C13orf46: variants seen among roughly 807,000 people sequenced by gnomAD.
The protein encoded by C13orf46 is uncharacterized protein C13orf46.
At chr13:113,945,606 A>AG in the C13orf46 span, among the ~76,000 whole-genome samples, 72 of 33,570 alleles carry the variant, frequency 2.1e-3, 1 homozygote, top group Admixed American at 5.1e-3. Context: ...AGAAAGAAAG[A>AG]AGAAAGAAAG....
the C13orf46 span, among the ~76,000 whole-genome samples, chr13:113,948,567 C>T: frequency 6.6e-6 from 1 of 152,176 alleles, no homozygotes; most frequent in African/African-American, 2.4e-5. Context: ...TCCTTTTAAC[C>T]AGATGTCTTG....
intron 1 of C13orf46, among the ~76,000 whole-genome samples, chr13:113,970,680 AC>A (rs2138994876): frequency 6.6e-6 from 1 of 151,422 alleles, no homozygotes; most frequent in South Asian, 2.1e-4. Flanking sequence ...GGGACTTGAA[AC>A]CCCACTTGGC....
At chr13:113,964,461 C>G (rs1335684434) in intron 6 of C13orf46, among the ~76,000 whole-genome samples, 3 of 152,116 alleles carry the variant, frequency 2.0e-5, no homozygotes, top group African/African-American at 7.2e-5. Context: ...CCCCAGGGCC[C>G]GAGGCTTGTT....
the C13orf46 span, among the ~76,000 whole-genome samples, chr13:113,931,906 C>G: frequency 2.0e-5 from 3 of 151,920 alleles, no homozygotes; most frequent in Admixed American, 6.6e-5. Context: ...TGACCACAAT[C>G]GAGACCATGG....
At chr13:113,972,478 C>T (rs943619765) in intron 1 of C13orf46, among the ~76,000 whole-genome samples, 3 of 152,122 alleles carry the variant, frequency 2.0e-5, no homozygotes, top group African/African-American at 2.4e-5. Context: ...GAAGGGGAGG[C>T]GGAGCTGCCG....
the C13orf46 span, among the ~76,000 whole-genome samples, chr13:113,933,897 C>T: frequency 2.0e-5 from 3 of 152,126 alleles, no homozygotes; most frequent in African/African-American, 4.8e-5. Flanking sequence ...CACTGGATGA[C>T]GGAGCTCATT....
rs2052503014 is a variant in C13orf46, at chr13:113,954,282, C to T, written c.*2491G>A. 6.6e-6 allele frequency: 1 copy of T among 152,332 alleles called. No homozygotes were observed. The highest frequency in any genetic ancestry group is 2.4e-5 in the African/African-American group (1 of 41,468). The allele number at this position is 152,332 out of a possible 1,614,324, so 9.4% of individuals were successfully genotyped here. A position where few individuals can be genotyped will look rare whatever the true frequency, so the allele number is the denominator to read the frequency against. Reference sequence around the variant, plus strand: ...CCCGGATCAGAGATGCTGCAGGTCACCTGCCCGTGCCCTCCTGTGCACATG... The same window carrying T: ...CCCGGATCAGAGATGCTGCAGGTCATCTGCCCGTGCCCTCCTGTGCACATG... On this transcript the variant is annotated 3_prime_UTR_variant, in exon 7 of 7. Transcript: ENST00000636427.
chr13:113,934,216 C>T, the C13orf46 span, among the ~76,000 whole-genome samples: 8 of 152,228 alleles, frequency 5.3e-5, no homozygotes, highest in Admixed American at 1.3e-4. Context: ...GGAGGCACCA[C>T]GATGCGTCGG....
chr13:113,948,449 C>T, the C13orf46 span, among the ~76,000 whole-genome samples: 13 of 152,234 alleles, frequency 8.5e-5, no homozygotes, highest in Admixed American at 1.3e-4. Context: ...TGGGCTGAGG[C>T]GGCTTCAGTG....
rs1298566232 is a variant in C13orf46 at position 113,955,001 on chromosome 13, G to C, written c.*1772C>G. On this transcript the variant is annotated 3_prime_UTR_variant, in exon 7 of 7. Coordinates refer to ENST00000636427, the MANE Select transcript of C13orf46 (RefSeq NM_001365455.2). The stretch of plus-strand genomic sequence containing the variant: ...GAGACGAGGAGGAGGATCTGGCAGA[G>C]AGGAGGAGTAGGATCTGGCGGAGAG... 1 of 113,962 alleles carries C rather than the reference G, an allele frequency of 8.8e-6. No homozygotes were observed. The highest frequency in any genetic ancestry group is 3.1e-5 in the African/African-American group (1 of 32,398). The allele number at this position is 113,962 out of a possible 1,614,324, so 7.1% of individuals were successfully genotyped here. A position where few individuals can be genotyped will look rare whatever the true frequency, so the allele number is the denominator to read the frequency against.
intron 6 of C13orf46, among the ~76,000 whole-genome samples, chr13:113,959,547 A>G (rs2052571361): frequency 6.6e-6 from 1 of 152,238 alleles, no homozygotes; most frequent in Non-Finnish European, 1.5e-5. Context: ...GGCGTGTGAC[A>G]CATGGAGCCC....
chr13:113,941,871 G>C, the C13orf46 span, among the ~76,000 whole-genome samples: 1 of 152,238 alleles, frequency 6.6e-6, no homozygotes, highest in African/African-American at 2.4e-5. Context: ...TCCTGCCACT[G>C]CTTTACTCTC....
chr13:113,963,910 G>C (rs897147115), intron 6 of C13orf46, among the ~76,000 whole-genome samples: 63 of 152,202 alleles, frequency 4.1e-4, no homozygotes, highest in Non-Finnish European at 8.7e-4. Flanking sequence ...GAGTGCAGTG[G>C]TGCTATCTCG....
In C13orf46 at chr13:113,956,621, G is replaced by A. The variant is rs2052536960; in HGVS notation, c.*152C>T. Reference sequence around the variant, plus strand: ...CCAGGCCTGGCCAGTCCCACAAGAAGAAAACAGAAACCTCAGTGCCTGGCA... The same window carrying A: ...CCAGGCCTGGCCAGTCCCACAAGAAAAAAACAGAAACCTCAGTGCCTGGCA... On this transcript the variant is annotated 3_prime_UTR_variant, in exon 7 of 7. Coordinates refer to ENST00000636427, the MANE Select transcript of C13orf46 (RefSeq NM_001365455.2). 1 of 152,440 alleles carries A rather than the reference G, an allele frequency of 6.6e-6. No individual in the cohort carries two copies. Among genetic ancestry groups the A allele is most frequent in the South Asian group, 2.1e-4 (1 of 4,838 alleles). 9.4% of individuals were successfully genotyped at this position (152,440 alleles called of 1,614,324 possible).
chr13:113,948,223 C>T, the C13orf46 span, among the ~76,000 whole-genome samples: 1 of 152,218 alleles, frequency 6.6e-6, no homozygotes, highest in Non-Finnish European at 1.5e-5. Flanking sequence ...CCCACAGCAC[C>T]GGTTCAAGAC....
chr13:113,946,907 T>C, the C13orf46 span, among the ~76,000 whole-genome samples: 23,935 of 152,210 alleles, frequency 0.16, 2,147 homozygotes, highest in Middle Eastern at 0.19. Flanking sequence ...ACAGCGGCGA[T>C]AGGAGAGGAA....
In C13orf46 at chr13:113,956,341, G is replaced by A. The variant is rs1338394670; in HGVS notation, c.*432C>T. The A allele has an allele frequency of 4.6e-5, 6 of 131,122 alleles. No homozygotes were observed. The South Asian group carries it at 1.1e-3, about 25-fold the overall frequency. The allele number at this position is 131,122 out of a possible 1,614,324, so 8.1% of individuals were successfully genotyped here. A position where few individuals can be genotyped will look rare whatever the true frequency, so the allele number is the denominator to read the frequency against. ...AGGAGGAGTAGTATCTGGTGGAGAGGAGTAGTATCTGGTGGAGAGGAGGAG... is the reference window on the plus strand; with the variant it reads ...AGGAGGAGTAGTATCTGGTGGAGAGAAGTAGTATCTGGTGGAGAGGAGGAG... On this transcript the variant is annotated 3_prime_UTR_variant, in exon 7 of 7. Transcript: ENST00000636427.
At chr13:113,950,930 G>A (rs2052486269), downstream of C13orf46, among the ~76,000 whole-genome samples, 1 of 152,222 alleles carries the variant, frequency 6.6e-6, no homozygotes, top group South Asian at 2.1e-4. Flanking sequence ...GATGTCCGTG[G>A]CGCTGGCGAG....
chr13:113,935,917 T>A, the C13orf46 span, among the ~76,000 whole-genome samples: 3 of 152,228 alleles, frequency 2.0e-5, no homozygotes, highest in Non-Finnish European at 4.4e-5. Context: ...ACAATCCTTG[T>A]GCCATGTGAA....
Sources: gnomAD v4.1 joint callset for allele counts (sites outside exome capture counted in the v4.1 genomes callset) on GRCh38, gnomAD v4.1.1 for gene constraint, MANE v1.5 for transcripts, NCBI Gene and HGNC (gene_info 2026-07-23, HGNC 2026-07-21) for gene names.